The following MYO5A variants were observed in gnomAD, a reference collection of about 807,000 sequenced individuals.
MYO5A encodes unconventional myosin-Va.
MYO5A carries 98 observed loss-of-function variants against 249.7 expected under a neutral mutation model. The observed-to-expected ratio is 0.39, with a 90% CI of 0.33 to 0.46. MYO5A has a LOEUF of 0.46. Ranked by LOEUF, MYO5A falls within the 20% of genes least tolerant of loss-of-function variation. The pLI, the probability that MYO5A is intolerant of heterozygous loss-of-function variation, is 0.98. For missense variants in MYO5A, 1,696 were observed against 2,308.8 expected (o/e 0.73, Z 5.44); for synonymous variants, 778 against 810.6 (o/e 0.96, Z 0.68).
chr15:52,423,546 C>CTT (rs1203585070), intron 4 of MYO5A, among the ~76,000 whole-genome samples: 1 of 123,480 alleles, frequency 8.1e-6, no homozygotes, highest in African/African-American at 3.3e-5. Flanking sequence ...GGCAAGACTC[C>CTT]GTCTTAAAAA....
chr15:52,315,477 T>C (rs2037956760), intron 40 of MYO5A, among the ~76,000 whole-genome samples: 2 of 151,968 alleles, frequency 1.3e-5, no homozygotes, highest in African/African-American at 2.4e-5. Flanking sequence ...CAGGTTCAAG[T>C]CATTCTCCTG....
At chr15:52,329,944 T>G (rs1596299657) in intron 35 of MYO5A, among the ~76,000 whole-genome samples, 1 of 135,736 alleles carries the variant, frequency 7.4e-6, no homozygotes, top group Admixed American at 7.6e-5. Flanking sequence ...AGAGATGCGG[T>G]CTTGCTATTT....
intron 1 of MYO5A, among the ~76,000 whole-genome samples, chr15:52,443,688 A>G (rs1002917667): frequency 1.4e-5 from 2 of 147,830 alleles, no homozygotes; most frequent in African/African-American, 5.1e-5. Flanking sequence ...AGCCTGGGCG[A>G]CAGGGCAAGA....
chr15:52,372,079 T>C (rs775468191), intron 21 of MYO5A, 45 bp downstream of exon 21: 2 of 1,612,536 alleles, frequency 1.2e-6, no homozygotes, highest in East Asian at 2.2e-5. Flanking sequence ...CCTGGTGGAT[T>C]TCTTCAGGCA....
chr15:52,520,953 G>A (rs3764227), intron 1 of MYO5A, among the ~76,000 whole-genome samples: 22,733 of 152,094 alleles, frequency 0.15, 1,810 homozygotes, highest in Middle Eastern at 0.22. Flanking sequence ...TATAGGGCTG[G>A]GCACAGTGGT....
chr15:52,347,556 A>G (rs1285159260), intron 29 of MYO5A, among the ~76,000 whole-genome samples: 1 of 152,206 alleles, frequency 6.6e-6, no homozygotes, highest in Non-Finnish European at 1.5e-5. Context: ...AAATACCATG[A>G]TCTTAAAGAC....
intron 1 of MYO5A, among the ~76,000 whole-genome samples, chr15:52,526,338 AGGCGTGACT>A (rs2077729439): frequency 6.6e-6 from 1 of 152,066 alleles, no homozygotes; most frequent in South Asian, 2.1e-4. Context: ...CTGGGACCGC[AGGCGTGACT>A]AACTCGCCCA....
chr15:52,381,904 CCTTTTTTCTTTTT>C (rs2041759047), intron 16 of MYO5A, among the ~76,000 whole-genome samples: 1 of 151,946 alleles, frequency 6.6e-6, no homozygotes, highest in African/African-American at 2.4e-5. Flanking sequence ...TTTTTCTTTT[CCTTTTTTCTTTTT>C]TTGAGACGAA....
chr15:52,330,966 T>C (rs769578643), intron 34 of MYO5A, among the ~76,000 whole-genome samples: 5 of 152,178 alleles, frequency 3.3e-5, no homozygotes, highest in Admixed American at 3.3e-4. Context: ...CTTTAGCCAT[T>C]AAAAGCAAAA....
At chr15:52,366,285 GT>G (rs763786228) in intron 23 of MYO5A, among the ~76,000 whole-genome samples, 6 of 151,862 alleles carry the variant, frequency 4.0e-5, no homozygotes, top group Non-Finnish European at 8.8e-5. Flanking sequence ...TATCTTTATT[GT>G]TTTGTTATCT....
chr15:52,423,789 C>T (rs963589807), intron 4 of MYO5A, among the ~76,000 whole-genome samples: 3 of 151,998 alleles, frequency 2.0e-5, no homozygotes, highest in African/African-American at 7.3e-5. Context: ...AAGAAATTAC[C>T]TTGAGTGACT....
At chr15:52,474,594 A>G (rs2076550066) in intron 1 of MYO5A, among the ~76,000 whole-genome samples, 1 of 152,138 alleles carries the variant, frequency 6.6e-6, no homozygotes. Context: ...GGTTTTTAGC[A>G]TGAAGGGCTG....
At chr15:52,450,050 A>C (rs2075983040) in intron 1 of MYO5A, among the ~76,000 whole-genome samples, 1 of 152,068 alleles carries the variant, frequency 6.6e-6, no homozygotes. Flanking sequence ...GGGCGTGGTG[A>C]TGTGCACACC....
chr15:52,433,097 G>A lies in MYO5A; in HGVS notation c.138+78C>T, dbSNP rs2075577601. 2.8e-6 allele frequency: 3 copies of A among 1,076,344 alleles called. No individual in the cohort carries two copies. The African/African-American group carries it at 4.7e-5, about 17-fold the overall frequency. 66.7% of individuals were successfully genotyped at this position (1,076,344 alleles called of 1,614,324 possible). A position where few individuals can be genotyped will look rare whatever the true frequency, so the allele number is the denominator to read the frequency against. The stretch of plus-strand genomic sequence containing the variant: ...GTTCAAAATTTAACTTCCATTGGGA[G>A]TTTACTTCACAGTAAATTTACACTT... On this transcript the variant is annotated intron_variant, in intron 2 of 41. Coordinates refer to ENST00000399233, the MANE Select transcript of MYO5A (RefSeq NM_001382347.1).
Position 52,433,226 on chromosome 15 carries a change from T to G in MYO5A, c.87A>C (p.Lys29Asn). The G allele has an allele frequency of 6.2e-7, 1 of 1,613,842 alleles. No homozygotes were observed. ...EEVWKSAELL[K>N]DYKPGDKVLL... ...GGACTTTATCTCCTGGCTTATAATC[T>G]TTGAGCAGCTCTGCTGACTTCCAGA... The change falls in exon 2 of 42, where the codon AAA becomes AAC. Residue 29 changes from lysine (K) to asparagine (N), a missense_variant. Lys to Asn is a moderately conservative substitution (Grantham distance 94). This residue lies in a region of MYO5A where 197 missense variants were observed against 320.3 expected (regional missense o/e 0.62). Transcript: ENST00000399233.
chr15:52,396,571 C>T (rs1313617935), intron 10 of MYO5A, among the ~76,000 whole-genome samples, 174 bp from the exon 11 acceptor site: 2 of 152,008 alleles, frequency 1.3e-5, no homozygotes, highest in African/African-American at 4.8e-5. Context: ...GAATATGTAC[C>T]CAGCAGATGA....
At chr15:52,315,697 G>C (rs2037973143) in intron 40 of MYO5A, among the ~76,000 whole-genome samples, 1 of 151,422 alleles carries the variant, frequency 6.6e-6, no homozygotes, top group African/African-American at 2.4e-5. Context: ...TGTTGCCCAG[G>C]CTGGAGTGCA....
intron 1 of MYO5A, among the ~76,000 whole-genome samples, chr15:52,497,756 C>CAAAAAAAAAA (rs35145185): frequency 1.6e-5 from 1 of 62,698 alleles, no homozygotes; most frequent in Non-Finnish European, 3.1e-5. Context: ...GACTCTGTCT[C>CAAAAAAAAAA]AAAAAAAAAA....
intron 4 of MYO5A, among the ~76,000 whole-genome samples, chr15:52,424,318 T>G (rs1026511671): frequency 6.6e-6 from 1 of 152,230 alleles, no homozygotes; most frequent in Non-Finnish European, 1.5e-5. Flanking sequence ...TTTCATAATG[T>G]CAGACTAATT....
Sources: gnomAD v4.1 joint callset for allele counts (sites outside exome capture counted in the v4.1 genomes callset) on GRCh38, gnomAD v4.1.1 for gene constraint, gnomAD v4.1.1 regional missense constraint, MANE v1.5 for transcripts, NCBI Gene and HGNC (gene_info 2026-07-23, HGNC 2026-07-21) for gene names.